Variants in ATP11A observed in about 807,000 individuals in gnomAD.
ATP11A encodes the protein ATPase phospholipid transporting 11A.
ATP11A carries 81 observed loss-of-function variants against 154.4 expected under a neutral mutation model. The ratio of observed to expected loss-of-function variants is 0.52; its 90% CI spans 0.44 to 0.63. ATP11A has a LOEUF of 0.63. Ranked by LOEUF, ATP11A falls within the 30% of genes least tolerant of loss-of-function variation. The pLI, the probability that ATP11A is intolerant of heterozygous loss-of-function variation, is 0.00. For missense variants in ATP11A, 1,316 were observed against 1,474.3 expected, an observed-to-expected ratio of 0.89 and a Z score of 1.76; for synonymous variants, 623 against 585.9, an observed-to-expected ratio of 1.06 and a Z score of -0.91.
rs1378624153 is a variant in ATP11A, at chr13:112,884,838, C to T, written c.*2972C>T. On this transcript the variant is annotated 3_prime_UTR_variant, in exon 30 of 30. Transcript: ENST00000375645. ...TGCCACAGACCGTCTCAGACACGCA[C>T]AGTGGGCCTGCTGCATGATTCACAC... The T allele has an allele frequency of 1.3e-5, 2 of 150,408 alleles. No homozygotes were observed. Among genetic ancestry groups the T allele is most frequent in the Non-Finnish European group, 3.0e-5 (2 of 67,568 alleles). 9.3% of individuals were successfully genotyped at this position (150,408 alleles called of 1,614,324 possible).
At chr13:112,862,637 A>G (rs774125308) in intron 25 of ATP11A, 62 bp downstream of exon 25, 24 of 1,606,118 alleles carry the variant, frequency 1.5e-5, no homozygotes, top group South Asian at 3.3e-5. Flanking sequence ...CCAAGCCCAT[A>G]TGATGATTTT....
intron 12 of ATP11A, among the ~76,000 whole-genome samples, chr13:112,828,177 A>G (rs1594811987): frequency 6.9e-6 from 1 of 144,680 alleles, no homozygotes; most frequent in East Asian, 2.2e-4. Context: ...GTGGGGGGAA[A>G]GCGCCCAGCA....
chr13:112,875,015 G>A lies in ATP11A; in HGVS notation c.3162-761G>A, dbSNP rs1028381632. ...GCTGGGAGCTCACCATGTCACCACC[G>A]CTTGGTGATGAGACCCCATCCTCCT... On this transcript the variant is annotated intron_variant, in intron 27 of 29. Coordinates refer to ENST00000375645, the MANE Select transcript of ATP11A (RefSeq NM_015205.3). The surrounding 1 kb of genome is among the most constrained non-coding windows in gnomAD (Gnocchi z 4.1). 6.6e-6 allele frequency among the ~76,000 whole-genome samples: 1 copy of A among 152,132 alleles called. No homozygotes were observed. The highest frequency in any genetic ancestry group is 1.5e-5 in the Non-Finnish European group (1 of 68,022).
At chr13:112,826,606 T>A (rs1283454781) in intron 11 of ATP11A, 88 bp from the exon 12 acceptor site, 4 of 1,047,860 alleles carry the variant, frequency 3.8e-6, no homozygotes, top group Non-Finnish European at 6.0e-6. Context: ...GTATAACTTA[T>A]GCCTAAGCCT....
intron 2 of ATP11A, 93 bp from the exon 3 acceptor site, chr13:112,804,864 T>C: frequency 3.0e-6 from 2 of 676,046 alleles, no homozygotes. Flanking sequence ...CATTTTGTAC[T>C]GTAAAATCCA....
At position 112,690,878 on chromosome 13, in the gene ATP11A, C is replaced by A. The variant is rs552392426; in HGVS notation, c.39+423C>A. Among the ~76,000 whole-genome samples the A allele has an allele frequency of 6.6e-6, 1 of 152,340 alleles. No homozygotes were observed. The highest frequency in any genetic ancestry group is 2.1e-4 in the South Asian group (1 of 4,830). Reference sequence around the variant, plus strand: ...AGATGCGGCTTCCGCGCAGCCGTGTCTGTAAGATTAAGGGATTGGGAGGAA... The same window carrying A: ...AGATGCGGCTTCCGCGCAGCCGTGTATGTAAGATTAAGGGATTGGGAGGAA... On this transcript the variant is annotated intron_variant, in intron 1 of 29. Coordinates refer to ENST00000375645, the MANE Select transcript of ATP11A (RefSeq NM_015205.3). The surrounding 1 kb of genome is among the most constrained non-coding windows in gnomAD (Gnocchi z 5.6).
At chr13:112,736,023 GCCT>G (rs1566403197) in intron 1 of ATP11A, among the ~76,000 whole-genome samples, 1 of 152,180 alleles carries the variant, frequency 6.6e-6, no homozygotes, top group African/African-American at 2.4e-5. Context: ...CAGGTGCAGG[GCCT>G]CCTCCCGTGC....
chr13:112,880,853 A>G lies in ATP11A; in HGVS notation c.*10-1023A>G, dbSNP rs535407358. ...TGACCACACATGGAACATGCTGTGC[A>G]CACACACGTGTGCACACTCACCCCA... On this transcript the variant is annotated intron_variant, in intron 29 of 29. Transcript: ENST00000375645. 8 of 1,108,726 alleles carry G rather than the reference A, an allele frequency of 7.2e-6. No individual in the cohort carries two copies. The South Asian group carries it at 1.0e-4, about 14-fold the overall frequency. The allele number at this position is 1,108,726 out of a possible 1,614,324, so 68.7% of individuals were successfully genotyped here.
rs369773420 is a variant in ATP11A at position 112,744,954 on chromosome 13, C to T, written c.40-40181C>T. Among the ~76,000 whole-genome samples the T allele has an allele frequency of 3.6e-4, 55 of 152,278 alleles. 1 individual carries two copies. In the South Asian group the frequency reaches 0.011, roughly 30 times the overall value. ...TACATCTGGGAGTCTTAAAATAGTA[C>T]GTGGCACACAGTGATTCATCAGAAA... is the stretch of plus-strand genomic sequence containing the variant. On this transcript the variant is annotated intron_variant, in intron 1 of 29. Coordinates refer to ENST00000375645, the MANE Select transcript of ATP11A (RefSeq NM_015205.3).
At chr13:112,825,133 C>T (rs2140222155) in intron 10 of ATP11A, among the ~76,000 whole-genome samples, 1 of 152,248 alleles carries the variant, frequency 6.6e-6, no homozygotes, top group East Asian at 1.9e-4. Context: ...TTTTCAATGA[C>T]GGAAGTCCAG....
chr13:112,864,273 C>G (rs200270138), intron 25 of ATP11A, among the ~76,000 whole-genome samples: 17 of 73,216 alleles, frequency 2.3e-4, no homozygotes, highest in African/African-American at 5.6e-4. Context: ...TCACCACCTG[C>G]GCAGTAATTC....
intron 1 of ATP11A, among the ~76,000 whole-genome samples, chr13:112,755,804 C>T (rs1416695439): frequency 3.9e-5 from 5 of 127,800 alleles, no homozygotes; most frequent in East Asian, 2.3e-4. Context: ...CTCAGAGCGG[C>T]TCCCAGAACC....
intron 1 of ATP11A, among the ~76,000 whole-genome samples, chr13:112,752,901 G>A (rs2076729389): frequency 6.6e-6 from 1 of 152,212 alleles, no homozygotes; most frequent in African/African-American, 2.4e-5. Context: ...TCCAGCAGCT[G>A]CCGAAGGAGC....
intron 27 of ATP11A, among the ~76,000 whole-genome samples, chr13:112,874,520 C>CCAGTCT (rs1386191902): frequency 1.3e-5 from 2 of 152,136 alleles, no homozygotes; most frequent in East Asian, 3.9e-4. Flanking sequence ...GGGCCAGGTC[C>CCAGTCT]CAGTCTCAGC....
chr13:112,766,801 T>TGCC (rs1566449767), intron 1 of ATP11A, among the ~76,000 whole-genome samples: 3 of 2,078 alleles, frequency 1.4e-3, no homozygotes, highest in Non-Finnish European at 1.2e-3. Flanking sequence ...TGTGGGGGCG[T>TGCC]TGGGGGCCAC....
intron 1 of ATP11A, among the ~76,000 whole-genome samples, chr13:112,699,097 A>G (rs1226031237): frequency 6.6e-6 from 1 of 152,208 alleles, no homozygotes; most frequent in East Asian, 1.9e-4. Context: ...TTCTATGAAT[A>G]AAGATTGTGT....
At chr13:112,830,512 GT>G (rs1255154859) in intron 12 of ATP11A, among the ~76,000 whole-genome samples, 2 of 152,170 alleles carry the variant, frequency 1.3e-5, no homozygotes, top group African/African-American at 4.8e-5. Flanking sequence ...GGAGACGGAG[GT>G]TGCAGTGAGC....
At position 112,875,352 on chromosome 13, in the gene ATP11A, C is replaced by T. The variant is rs190761082; in HGVS notation, c.3162-424C>T. Reference sequence around the variant, plus strand: ...CCTCCCTCATGGAGGCTGACGCAGACGTCTTTGAATCATCCTCTTTCTGGG... The same window carrying T: ...CCTCCCTCATGGAGGCTGACGCAGATGTCTTTGAATCATCCTCTTTCTGGG... On this transcript the variant is annotated intron_variant, in intron 27 of 29. Coordinates refer to ENST00000375645, the MANE Select transcript of ATP11A (RefSeq NM_015205.3). The surrounding 1 kb of genome is among the most constrained non-coding windows in gnomAD (Gnocchi z 4.1). Among the ~76,000 whole-genome samples, 1 of 152,334 alleles carries T rather than the reference C, an allele frequency of 6.6e-6. No homozygotes were observed. Among genetic ancestry groups the T allele is most frequent in the African/African-American group, 2.4e-5 (1 of 41,568 alleles).
At chr13:112,783,917 G>C (rs1018180084) in intron 1 of ATP11A, among the ~76,000 whole-genome samples, 1 of 152,226 alleles carries the variant, frequency 6.6e-6, no homozygotes, top group African/African-American at 2.4e-5. Context: ...TCAGGCCCAA[G>C]TCAGCTTTGC....
Sources: allele counts gnomAD v4.1 joint callset (sites outside exome capture counted in the v4.1 genomes callset), GRCh38; gene constraint gnomAD v4.1.1; non-coding constraint Gnocchi (gnomAD v3.1); transcripts MANE v1.5; gene names NCBI Gene and HGNC (gene_info 2026-07-23, HGNC 2026-07-21).